Variants in PTPRT observed in about 807,000 individuals in gnomAD.
PTPRT encodes receptor-type tyrosine-protein phosphatase T.
PTPRT carries 56 observed loss-of-function variants against 176.8 expected under a neutral mutation model. The ratio of observed to expected loss-of-function variants is 0.32; its 90% CI spans 0.26 to 0.40. PTPRT has a LOEUF of 0.40. Among genes scored for constraint, PTPRT ranks in the 10% least tolerant of loss-of-function variants. The pLI, the probability that PTPRT is intolerant of heterozygous loss-of-function variation, is 1.00. For synonymous variants in PTPRT, 783 were observed against 739.0 expected, an observed-to-expected ratio of 1.06 and a Z score of -0.96; for missense variants, 1,540 against 1,908.2, an observed-to-expected ratio of 0.81 and a Z score of 3.60.
chr20:42,394,039 G>C (rs6030206), intron 9 of PTPRT, among the ~76,000 whole-genome samples: 6 of 145,108 alleles, frequency 4.1e-5, no homozygotes, highest in Non-Finnish European at 9.0e-5. Context: ...AGATGTGACA[G>C]GTCTTTTTTT....
At position 42,209,716 on chromosome 20, in the gene PTPRT, G is replaced by T. The variant is rs1440300035; in HGVS notation, c.2343-10328C>A. On this transcript the variant is annotated intron_variant, in intron 15 of 30. Coordinates refer to ENST00000373187, the MANE Select transcript of PTPRT (RefSeq NM_007050.6). Reference sequence around the variant, plus strand: ...GATTCACAGCTGAATTCTACCAGAGGTACAAGGAGGAACTGGTACCATTCC... The same window carrying T: ...GATTCACAGCTGAATTCTACCAGAGTTACAAGGAGGAACTGGTACCATTCC... Among the ~76,000 whole-genome samples the T allele has an allele frequency of 2.0e-5, 3 of 152,120 alleles. No homozygotes were observed. The East Asian group carries it at 5.8e-4, about 29-fold the overall frequency.
chr20:42,333,087 G>T (rs1186551840), intron 11 of PTPRT, among the ~76,000 whole-genome samples: 3 of 152,104 alleles, frequency 2.0e-5, no homozygotes, highest in African/African-American at 7.2e-5. Flanking sequence ...TACCCACAAT[G>T]ATCTTAAATG....
chr20:42,581,049 C>T (rs978814994), intron 7 of PTPRT, among the ~76,000 whole-genome samples: 1 of 152,158 alleles, frequency 6.6e-6, no homozygotes, highest in African/African-American at 2.4e-5. Context: ...CTCCTTCACA[C>T]ACTCAGCTCT....
intron 1 of PTPRT, among the ~76,000 whole-genome samples, chr20:42,960,642 C>A (rs769935525): frequency 6.6e-6 from 1 of 152,074 alleles, no homozygotes; most frequent in Non-Finnish European, 1.5e-5. Flanking sequence ...GTTTCCTCTC[C>A]CCCCAGTATT....
chr20:43,128,932 C>T (rs1419427507), intron 1 of PTPRT, among the ~76,000 whole-genome samples: 2 of 152,144 alleles, frequency 1.3e-5, no homozygotes, highest in African/African-American at 2.4e-5. Flanking sequence ...TATATTTATT[C>T]GTACATATAA....
chr20:42,136,401 C>T (rs1006915452), intron 18 of PTPRT, among the ~76,000 whole-genome samples: 16 of 152,216 alleles, frequency 1.1e-4, no homozygotes, highest in African/African-American at 3.4e-4. Flanking sequence ...CTGGGTACCT[C>T]ACTGAAGCTA....
intron 1 of PTPRT, among the ~76,000 whole-genome samples, chr20:43,062,854 A>G (rs982839829): frequency 1.3e-5 from 2 of 152,012 alleles, no homozygotes; most frequent in African/African-American, 4.8e-5. Flanking sequence ...AGAATCCTGG[A>G]CTCTCTAATC....
At chr20:43,135,885 T>A (rs1420930067) in intron 1 of PTPRT, among the ~76,000 whole-genome samples, 1 of 152,162 alleles carries the variant, frequency 6.6e-6, no homozygotes, top group Non-Finnish European at 1.5e-5. Context: ...GAAGGCAGAG[T>A]CACATGGAAT....
intron 1 of PTPRT, among the ~76,000 whole-genome samples, chr20:43,158,110 A>C (rs2014576227): frequency 6.6e-6 from 1 of 152,180 alleles, no homozygotes; most frequent in Non-Finnish European, 1.5e-5. Context: ...TGGCTTGGCC[A>C]GGTGGCTCGC....
chr20:42,281,659 C>G (rs965152090), intron 13 of PTPRT, among the ~76,000 whole-genome samples: 2 of 152,212 alleles, frequency 1.3e-5, no homozygotes, highest in South Asian at 2.1e-4. Flanking sequence ...TGCCTACTTA[C>G]GTTTACCACT....
chr20:42,735,253 T>G (rs2076521605), intron 6 of PTPRT, among the ~76,000 whole-genome samples: 1 of 152,126 alleles, frequency 6.6e-6, no homozygotes, highest in Non-Finnish European at 1.5e-5. Context: ...CAAGACTGAC[T>G]GTAAGAACTG....
Position 42,207,020 on chromosome 20 carries a change from C to G in PTPRT, c.2343-7632G>C, listed in dbSNP as rs571116651. ...AGCAGCCTAACTGGGAGGCACCCCC[C>G]AGCAGGGGCACACTGACACCTCACA... is the stretch of plus-strand genomic sequence containing the variant. On this transcript the variant is annotated intron_variant, in intron 15 of 30. Coordinates refer to ENST00000373187, the MANE Select transcript of PTPRT (RefSeq NM_007050.6). 3.0e-3 allele frequency among the ~76,000 whole-genome samples: 462 copies of G among 152,316 alleles called. 1 individual carries two copies. Among genetic ancestry groups the G allele is most frequent in the African/African-American group, 0.01 (429 of 41,566 alleles).
At chr20:42,542,020 C>T (rs2072592360) in intron 7 of PTPRT, among the ~76,000 whole-genome samples, 2 of 151,980 alleles carry the variant, frequency 1.3e-5, no homozygotes, top group African/African-American at 4.8e-5. Flanking sequence ...ATGCTGTTCT[C>T]GTAATTGTGA....
Position 42,236,266 on chromosome 20 carries a change from T to C in PTPRT, c.2313-8A>G, listed in dbSNP as rs2056240368. 6.3e-7 allele frequency: 1 copy of C among 1,591,920 alleles called. No individual in the cohort carries two copies. The highest frequency in any genetic ancestry group is 2.2e-5 in the East Asian group (1 of 44,634). ...TAGGAATAAGCATTTCTTCTATATA[T>C]TGATGGGCAGTCAGATGAAGGAAAT... On this transcript the variant is annotated splice_polypyrimidine_tract_variant and splice_region_variant and intron_variant, in intron 14 of 30. Coordinates refer to ENST00000373187, the MANE Select transcript of PTPRT (RefSeq NM_007050.6).
At chr20:42,817,108 G>T (rs1357426036) in intron 2 of PTPRT, among the ~76,000 whole-genome samples, 3 of 152,172 alleles carry the variant, frequency 2.0e-5, no homozygotes, top group African/African-American at 7.2e-5. Flanking sequence ...TACTATAACA[G>T]AAGCTAGAAA....
At chr20:42,529,632 A>T (rs2072343323) in intron 7 of PTPRT, among the ~76,000 whole-genome samples, 1 of 151,946 alleles carries the variant, frequency 6.6e-6, no homozygotes, top group East Asian at 1.9e-4. Context: ...GACTACAAGC[A>T]TGTGCCACCA....
At chr20:42,963,606 T>C (rs973564218) in intron 1 of PTPRT, among the ~76,000 whole-genome samples, 7 of 151,750 alleles carry the variant, frequency 4.6e-5, no homozygotes, top group African/African-American at 1.2e-4. Flanking sequence ...TTGTAAAAGA[T>C]AGAGACATAA....
intron 9 of PTPRT, among the ~76,000 whole-genome samples, chr20:42,363,300 A>ATATATATTTTT (rs1248285783): frequency 6.5e-5 from 2 of 30,562 alleles, no homozygotes; most frequent in African/African-American, 1.7e-4. Context: ...ATATATATAT[A>ATATATATTTTT]TTTTTTTTTT....
intron 1 of PTPRT, among the ~76,000 whole-genome samples, chr20:43,011,539 A>G (rs1307757130): frequency 6.6e-6 from 1 of 152,202 alleles, no homozygotes; most frequent in Non-Finnish European, 1.5e-5. Flanking sequence ...CCAAGGAATC[A>G]GAGCCTTTTA....
Sources: gnomAD v4.1 joint callset for allele counts (sites outside exome capture counted in the v4.1 genomes callset) on GRCh38, gnomAD v4.1.1 for gene constraint, MANE v1.5 for transcripts, NCBI Gene and HGNC (gene_info 2026-07-23, HGNC 2026-07-21) for gene names.